Variants in AKTIP observed in about 807,000 individuals in gnomAD.
AKTIP encodes AKT-interacting protein.
Under a neutral mutation model 39.1 loss-of-function variants are expected in AKTIP, and 16 were observed. The observed-to-expected ratio is 0.41, with a 90% CI of 0.28 to 0.62. The LOEUF (loss-of-function observed/expected upper bound fraction) is 0.62, where lower values mean the gene tolerates loss of function less well. Among genes scored for constraint, AKTIP ranks in the 20% least tolerant of loss-of-function variants. AKTIP has a pLI of 0.32. For synonymous variants in AKTIP, 93 were observed against 124.3 expected, an observed-to-expected ratio of 0.75 and a Z score of 1.67; for missense variants, 262 against 356.6, an observed-to-expected ratio of 0.73 and a Z score of 2.14.
intron 2 of AKTIP, among the ~76,000 whole-genome samples, chr16:53,499,064 G>C (rs1425806873): frequency 6.6e-6 from 1 of 152,198 alleles, no homozygotes; most frequent in Non-Finnish European, 1.5e-5. Flanking sequence ...AACAAAGAAT[G>C]AAGCTATTCT....
At chr16:53,495,700 T>C (rs1352838101) in intron 3 of AKTIP, among the ~76,000 whole-genome samples, 1 of 152,236 alleles carries the variant, frequency 6.6e-6, no homozygotes, top group African/African-American at 2.4e-5. Flanking sequence ...CTGAGGTAAG[T>C]TCTGTACAGC....
intron 3 of AKTIP, among the ~76,000 whole-genome samples, 200 bp downstream of exon 3, chr16:53,498,191 C>T (rs986743085): frequency 1.3e-5 from 2 of 152,238 alleles, no homozygotes; most frequent in Admixed American, 6.5e-5. Flanking sequence ...TTTTATCTCT[C>T]TACCTAGGTC....
chr16:53,501,690 G>A (rs1962179317), intron 1 of AKTIP: 1 of 152,222 alleles, frequency 6.6e-6, no homozygotes, highest in Non-Finnish European at 1.5e-5. Flanking sequence ...ACGAGCTTGT[G>A]ACATCCAGGG....
intron 1 of AKTIP, chr16:53,501,907 C>A (rs1326488246): frequency 1.3e-5 from 2 of 152,288 alleles, no homozygotes; most frequent in East Asian, 3.9e-4. Context: ...CTTGAGATAT[C>A]AAAAATGTGC....
At chr16:53,496,543 C>T in intron 3 of AKTIP, among the ~76,000 whole-genome samples, 1 of 132,426 alleles carries the variant, frequency 7.6e-6, no homozygotes, top group African/African-American at 2.9e-5. Context: ...AAGATGAGGT[C>T]TCATAGGCTG....
chr16:53,501,066 T>C (rs1457072005), intron 1 of AKTIP: 2 of 152,114 alleles, frequency 1.3e-5, no homozygotes, highest in African/African-American at 4.8e-5. Context: ...GAACAAACAA[T>C]AGATACAAGG....
intron 5 of AKTIP, 172 bp downstream of exon 5, chr16:53,494,901 A>G (rs763235378): frequency 2.6e-6 from 2 of 758,462 alleles, no homozygotes; most frequent in Non-Finnish European, 4.6e-6. Context: ...CAGAGAAACA[A>G]AGCTCTGATG....
At chr16:53,503,657 G>A (rs1216380372), upstream of AKTIP, among the ~76,000 whole-genome samples, 5 of 152,200 alleles carry the variant, frequency 3.3e-5, no homozygotes, top group Non-Finnish European at 7.3e-5. Context: ...TGGGGCATAC[G>A]CTAACGTCTG....
chr16:53,494,396 C>T lies in AKTIP; in HGVS notation c.545G>A (p.Arg182Lys). The T allele has an allele frequency of 6.2e-7, 1 of 1,614,180 alleles. No homozygotes were observed. The highest frequency in any genetic ancestry group is 8.5e-7 in the Non-Finnish European group (1 of 1,180,040). Reference sequence around the variant, plus strand: ...TGTATCAATCTTGTAGAAAACTCTCCTTGCATACATTAATACCTGCCAAAT... The same window carrying T: ...TGTATCAATCTTGTAGAAAACTCTCTTTGCATACATTAATACCTGCCAAAT... ...NHIWQVLMYA[R>K]RVFYKIDTAS... The change falls in exon 7 of 10, where the codon AGG becomes AAG. Residue 182 changes from arginine (R) to lysine (K), a missense_variant. Transcript: ENST00000394657.
In AKTIP at chr16:53,498,481, G is replaced by T; in HGVS notation, c.158C>A (p.Pro53His). 1 of 1,613,968 alleles carries T rather than the reference G, an allele frequency of 6.2e-7. No homozygotes were observed. The change falls in exon 3 of 10, where the codon CCT becomes CAT. Residue 53 changes from proline to histidine, a missense_variant. Physicochemically the swap from Pro to His is moderately conservative, Grantham distance 77 (BLOSUM62 -2). Around this residue, in one of 4 missense-constraint regions of AKTIP, gnomAD observed 88 missense variants for 132.1 expected, o/e 0.67. Transcript: ENST00000394657. ...IPKNALPITK[P>H]TSPAPAAQST... The stretch of plus-strand genomic sequence containing the variant: ...CTGTGCTGCTGGGGCAGGAGATGTA[G>T]GCTTAGTTATGGGCAAAGCATTTTT...
At chr16:53,494,938 AG>A in intron 5 of AKTIP, 134 bp downstream of exon 5, 1 of 858,096 alleles carries the variant, frequency 1.2e-6, no homozygotes, top group Non-Finnish European at 1.9e-6. Context: ...TGCAAAGCAC[AG>A]AAGTCCCCCT....
chr16:53,493,616 C>T (rs916369086), intron 8 of AKTIP: 1 of 157,498 alleles, frequency 6.3e-6, no homozygotes, highest in African/African-American at 2.4e-5. Context: ...TGAGTCCAAG[C>T]TCTTAATAGC....
chr16:53,499,519 G>A (rs1030910474), intron 2 of AKTIP, among the ~76,000 whole-genome samples: 7 of 150,026 alleles, frequency 4.7e-5, no homozygotes, highest in East Asian at 2.0e-4. Flanking sequence ...GCAGTGGCGC[G>A]ATCTCAGCTC....
At chr16:53,500,928 A>C (rs1962130364) in intron 1 of AKTIP, among the ~76,000 whole-genome samples, 1 of 152,234 alleles carries the variant, frequency 6.6e-6, no homozygotes, top group Non-Finnish European at 1.5e-5. Flanking sequence ...CTTTGGTGCC[A>C]GAAATTCAGA....
At chr16:53,492,594 C>T in intron 9 of AKTIP, 75 bp from the exon 10 acceptor site, 2 of 1,596,812 alleles carry the variant, frequency 1.3e-6, no homozygotes, top group Admixed American at 3.4e-5. Context: ...AACTTGTTTC[C>T]CAAAAAAAGT....
intron 3 of AKTIP, among the ~76,000 whole-genome samples, chr16:53,497,547 T>C (rs180963700): frequency 3.3e-5 from 5 of 152,338 alleles, no homozygotes; most frequent in African/African-American, 1.2e-4. Flanking sequence ...CTGGCCTTCC[T>C]GGTCCCTCCC....
In AKTIP at chr16:53,495,402, T is replaced by C. The variant is rs372863154; in HGVS notation, c.249-76A>G. ...AGATCAAACCACCCCACATTCACTT[T>C]GAGACAATGAACGGCCCCTCAATGG... On this transcript the variant is annotated intron_variant, in intron 3 of 9. Coordinates refer to ENST00000394657, the MANE Select transcript of AKTIP (RefSeq NM_022476.4). 1.4e-5 allele frequency: 20 copies of C among 1,429,158 alleles called. No individual in the cohort carries two copies. The East Asian group carries it at 4.0e-4, about 28-fold the overall frequency. The allele number at this position is 1,429,158 out of a possible 1,614,324, so 88.5% of individuals were successfully genotyped here.
In AKTIP at chr16:53,498,586, C is replaced by T. The variant is rs1961982238; in HGVS notation, c.53G>A (p.Gly18Asp). 1.2e-6 allele frequency: 2 copies of T among 1,613,920 alleles called. No homozygotes were observed. Among genetic ancestry groups the T allele is most frequent in the African/African-American group, 1.3e-5 (1 of 74,934 alleles). The change falls in exon 3 of 10, where the codon GGT becomes GAT. Residue 18 changes from glycine (G) to aspartate (D), a missense_variant. Coordinates refer to ENST00000394657, the MANE Select transcript of AKTIP (RefSeq NM_022476.4). ...GTCCCCTGTTAATGTCTTCTCTTCACCTTCAGATCGCTATACAAGATGAAG... is the reference window on the plus strand; with the variant it reads ...GTCCCCTGTTAATGTCTTCTCTTCATCTTCAGATCGCTATACAAGATGAAG... ...STSSVRKRSE[G>D]EEKTLTGDVK...
chr16:53,494,360 A>T lies in AKTIP; in HGVS notation c.581T>A (p.Leu194Gln). 6.2e-7 allele frequency: 1 copy of T among 1,614,226 alleles called. No individual in the cohort carries two copies. Among genetic ancestry groups the T allele is most frequent in the Non-Finnish European group, 8.5e-7 (1 of 1,180,014 alleles). ...ATACAGTACTGCAGCCTCTGGGTTC[A>T]GGGGGCTTGCTGTATCAATCTTGTA... ...VFYKIDTASP[L>Q]NPEAAVLYEK... is the part of the protein sequence containing the mutation. Residue 194 changes from leucine to glutamine, a missense_variant, in exon 7 of 10, where the codon CTG becomes CAG. By Grantham distance (113) the Leu-to-Gln change is moderately radical. This residue lies in a region of AKTIP where 145 missense variants were observed against 159.3 expected (regional missense o/e 0.91). Coordinates refer to ENST00000394657, the MANE Select transcript of AKTIP (RefSeq NM_022476.4).
Sources: gnomAD v4.1 joint callset for allele counts (sites outside exome capture counted in the v4.1 genomes callset) on GRCh38, gnomAD v4.1.1 for gene constraint, gnomAD v4.1.1 regional missense constraint, MANE v1.5 for transcripts, NCBI Gene and HGNC (gene_info 2026-07-23, HGNC 2026-07-21) for gene names.